The following AXDND1 variants were observed in gnomAD, a reference collection of about 807,000 sequenced individuals.
AXDND1 encodes axonemal dynein light chain domain-containing protein 1.
AXDND1 carries 110 observed loss-of-function variants against 137.5 expected under a neutral mutation model. The observed-to-expected ratio is 0.80, with a 90% CI of 0.69 to 0.94. AXDND1 has a LOEUF of 0.94. Among genes scored for constraint, AXDND1 ranks in the 40% least tolerant of loss-of-function variants. AXDND1 has a pLI of 0.00. For missense variants in AXDND1, 1,191 were observed against 1,169.8 expected, an observed-to-expected ratio of 1.02 and a Z score of -0.26; for synonymous variants, 414 against 399.7, an observed-to-expected ratio of 1.04 and a Z score of -0.43.
intron 21 of AXDND1, among the ~76,000 whole-genome samples, chr1:179,522,064 T>A (rs1293544943): frequency 1.3e-5 from 2 of 152,148 alleles, no homozygotes; most frequent in Non-Finnish European, 2.9e-5. Flanking sequence ...AAATTCTCAG[T>A]CATCTATTCA....
chr1:179,460,058 T>C lies in AXDND1; in HGVS notation c.1799-8385T>C, dbSNP rs570108968. On this transcript the variant is annotated intron_variant, in intron 16 of 25. Coordinates refer to ENST00000367618, the MANE Select transcript of AXDND1 (RefSeq NM_144696.6). ...CTTTTATTTTCTTTATTATTATTCT[T>C]ATCCTTTAAGTTCTAGGGTACATGT... Among the ~76,000 whole-genome samples the C allele has an allele frequency of 4.6e-5, 7 of 151,660 alleles. No homozygotes were observed. In the South Asian group the frequency reaches 1.5e-3, roughly 32 times the overall value.
At chr1:179,411,516 G>A (rs1012984028) in intron 12 of AXDND1, among the ~76,000 whole-genome samples, 23 of 151,234 alleles carry the variant, frequency 1.5e-4, no homozygotes, top group African/African-American at 5.6e-4. Flanking sequence ...GGCCTGTTTT[G>A]CAGTTTTCAA....
intron 25 of AXDND1, chr1:179,545,270 C>T (rs1250886520): frequency 6.6e-6 from 1 of 152,208 alleles, no homozygotes; most frequent in East Asian, 1.9e-4. Context: ...GGGTTTATCT[C>T]CTAGAATTTT....
chr1:179,375,920 A>T (rs548482982), intron 4 of AXDND1, among the ~76,000 whole-genome samples: 3 of 152,300 alleles, frequency 2.0e-5, no homozygotes, highest in Admixed American at 2.0e-4. Flanking sequence ...ACGTTTAAAA[A>T]TAGTTATGGT....
chr1:179,498,210 A>G (rs1191326402), intron 20 of AXDND1, among the ~76,000 whole-genome samples: 1 of 152,158 alleles, frequency 6.6e-6, no homozygotes, highest in Non-Finnish European at 1.5e-5. Context: ...AGCAGTCCTG[A>G]GCAAAAGGAA....
intron 4 of AXDND1, 107 bp from the exon 5 acceptor site, chr1:179,378,530 C>G: frequency 1.2e-6 from 1 of 836,994 alleles, no homozygotes; most frequent in Non-Finnish European, 1.7e-6. Context: ...TTTGCTGACA[C>G]AGAGGACCAT....
At chr1:179,447,863 G>T (rs565672502) in intron 16 of AXDND1, 5 of 1,336,354 alleles carry the variant, frequency 3.7e-6, no homozygotes, top group Non-Finnish European at 5.4e-6. Flanking sequence ...CCAGTACTTG[G>T]TGGTCTCTGA....
intron 20 of AXDND1, among the ~76,000 whole-genome samples, chr1:179,508,900 C>T (rs1475637712): frequency 6.6e-6 from 1 of 152,128 alleles, no homozygotes; most frequent in Non-Finnish European, 1.5e-5. Flanking sequence ...ATGCATAATG[C>T]TTAGAACAGA....
chr1:179,549,839 G>T (rs1395651154), intron 25 of AXDND1, among the ~76,000 whole-genome samples: 4 of 151,920 alleles, frequency 2.6e-5, no homozygotes, highest in Middle Eastern at 6.8e-3. Flanking sequence ...CCTTTAAATG[G>T]GCTAAACCAC....
intron 15 of AXDND1, among the ~76,000 whole-genome samples, chr1:179,439,576 TCTGCACAGGGAAAACATA>T (rs138669322): frequency 0.082 from 12,426 of 152,164 alleles, 834 homozygotes; most frequent in East Asian, 0.35. Flanking sequence ...TGTTTTTGCC[TCTGCACAGGGAAAACATA>T]CTGCACAGGA....
chr1:179,398,638 G>T (rs1393867807), intron 11 of AXDND1, among the ~76,000 whole-genome samples: 1 of 152,016 alleles, frequency 6.6e-6, no homozygotes, highest in Non-Finnish European at 1.5e-5. Flanking sequence ...TGTGCTGGTG[G>T]TGGTCTTAGC....
intron 18 of AXDND1, among the ~76,000 whole-genome samples, chr1:179,488,606 T>C (rs1246225433): frequency 1.0e-5 from 1 of 96,664 alleles, no homozygotes; most frequent in Non-Finnish European, 2.2e-5. Flanking sequence ...TTCTTTCTTT[T>C]TCTTTCTTTC....
Position 179,446,190 on chromosome 1 carries a change from A to AAATTGATT in AXDND1, c.1798+987_1798+994dup, listed in dbSNP as rs768780757. Reference sequence around the variant, plus strand: ...TGCCTATGTTTTTTTTCTAAGACAAAAATTGATTTATAACATGTATAGAAA... The same window carrying AAATTGATT: ...TGCCTATGTTTTTTTTCTAAGACAAAAATTGATTAATTGATTTATAACATGTATAGAAA... On this transcript the variant is annotated intron_variant, in intron 16 of 25. Coordinates refer to ENST00000367618, the MANE Select transcript of AXDND1 (RefSeq NM_144696.6). Among the ~76,000 whole-genome samples, 32 of 152,246 alleles carry AAATTGATT rather than the reference A, an allele frequency of 2.1e-4. 1 individual carries two copies. The South Asian group carries it at 3.7e-3, about 18-fold the overall frequency.
At chr1:179,531,242 A>G (rs1312746365) in intron 23 of AXDND1, among the ~76,000 whole-genome samples, 1 of 152,150 alleles carries the variant, frequency 6.6e-6, no homozygotes, top group Non-Finnish European at 1.5e-5. Context: ...TTGAAAAGAC[A>G]TCTCAAAATA....
At position 179,445,282 on chromosome 1, in the gene AXDND1, TTAAAA is replaced by T. The variant is rs1490687900; in HGVS notation, c.1798+84_1798+88del. The T allele has an allele frequency of 5.7e-6, 6 of 1,053,002 alleles. No individual in the cohort carries two copies. In the East Asian group the frequency reaches 1.4e-4, roughly 24 times the overall value. 65.2% of individuals were successfully genotyped at this position (1,053,002 alleles called of 1,614,324 possible). A position where few individuals can be genotyped will look rare whatever the true frequency, so the allele number is the denominator to read the frequency against. ...TAATTATTTTCAATACAATGAATAT[TTAAAA>T]TAAAAGTAATAAATCCATATAGTTT... On this transcript the variant is annotated intron_variant, in intron 16 of 25. Transcript: ENST00000367618.
At chr1:179,406,680 T>G (rs918481156) in intron 11 of AXDND1, among the ~76,000 whole-genome samples, 1 of 152,196 alleles carries the variant, frequency 6.6e-6, no homozygotes, top group Non-Finnish European at 1.5e-5. Flanking sequence ...GTACTCCTGC[T>G]TGCTTTGGTT....
intron 16 of AXDND1, among the ~76,000 whole-genome samples, chr1:179,458,268 C>CCA (rs150699517): frequency 0.063 from 9,560 of 152,124 alleles, 354 homozygotes; most frequent in African/African-American, 0.071. Context: ...CAGGAGTGAG[C>CCA]CACCACACCA....
chr1:179,533,985 T>A, intron 24 of AXDND1, 108 bp downstream of exon 24: 1 of 853,218 alleles, frequency 1.2e-6, no homozygotes, highest in South Asian at 1.5e-5. Flanking sequence ...GCTTTCTTTA[T>A]CCACATTAGG....
At chr1:179,478,091 G>T (rs1664854124) in intron 17 of AXDND1, among the ~76,000 whole-genome samples, 1 of 152,194 alleles carries the variant, frequency 6.6e-6, no homozygotes, top group African/African-American at 2.4e-5. Flanking sequence ...CTGTGGCTTT[G>T]TGGGGCACAG....
Sources: allele counts gnomAD v4.1 joint callset (sites outside exome capture counted in the v4.1 genomes callset), GRCh38; gene constraint gnomAD v4.1.1; transcripts MANE v1.5; gene names NCBI Gene and HGNC (gene_info 2026-07-23, HGNC 2026-07-21).